ADGRB1: variants seen among roughly 807,000 people sequenced by gnomAD.
ADGRB1 encodes brain-specific angiogenesis inhibitor 1.
Under a neutral mutation model 175.7 loss-of-function variants are expected in ADGRB1, and 36 were observed. That is an observed-to-expected ratio of 0.20 (90% CI 0.16 to 0.27). The LOEUF (loss-of-function observed/expected upper bound fraction) is 0.27, where lower values mean the gene tolerates loss of function less well. Among genes scored for constraint, ADGRB1 ranks in the 10% least tolerant of loss-of-function variants. The probability of loss-of-function intolerance (pLI) is 1.00; values close to 1 mark genes in which losing one functional copy is unlikely to be tolerated. For missense variants in ADGRB1, 1,731 were observed against 2,255.3 expected (o/e 0.77, Z 4.71); for synonymous variants, 1,054 against 979.4 (o/e 1.08, Z -1.42).
chr8:142,475,567 G>T lies in ADGRB1; in HGVS notation c.878G>T (p.Gly293Val). ...ACGCGCACCTGCCTGCCCGCGCCGG[G>T]CGTGGAGGGCGGCGGCTGCGAGGGG... Reference protein sequence around the residue: ...TRTRTCLPAPGVEGGGCEGVL... With the variant: ...TRTRTCLPAPVVEGGGCEGVL... Residue 293 changes from glycine (G) to valine (V), a missense_variant, in exon 3 of 31, where the codon GGC (glycine) becomes GTC (valine). Transcript: ENST00000517894. 7.9e-7 allele frequency: 1 copy of T among 1,270,068 alleles called. No homozygotes were observed. The highest frequency in any genetic ancestry group is 9.9e-7 in the Non-Finnish European group (1 of 1,008,416). The allele number at this position is 1,270,068 out of a possible 1,614,324, so 78.7% of individuals were successfully genotyped here.
At position 142,464,092 on chromosome 8, in the gene ADGRB1, C is replaced by CA; in HGVS notation, c.-107_-106insA. 5.4e-6 allele frequency: 5 copies of CA among 928,894 alleles called. No homozygotes were observed. The highest frequency in any genetic ancestry group is 7.9e-5 in the East Asian group (2 of 25,316). 57.5% of individuals were successfully genotyped at this position (928,894 alleles called of 1,614,324 possible). A position where few individuals can be genotyped will look rare whatever the true frequency, so the allele number is the denominator to read the frequency against. On this transcript the variant is annotated 5_prime_UTR_variant, in exon 2 of 31. The change creates a new upstream start codon in the 5' untranslated region. Coordinates refer to ENST00000517894, the MANE Select transcript of ADGRB1 (RefSeq NM_001702.3). ...CCCATCCCACCCTTGCCCCGCCTCC[C>CA]TGCCCCCACCGGGCCGGCCCTGCCC...
chr8:142,505,938 G>T (rs1004501214), intron 17 of ADGRB1, among the ~76,000 whole-genome samples: 2 of 152,188 alleles, frequency 1.3e-5, no homozygotes, highest in Non-Finnish European at 2.9e-5. Context: ...GGGACCCAAG[G>T]CTCCGGGTGA....
intron 1 of ADGRB1, among the ~76,000 whole-genome samples, chr8:142,456,102 G>A (rs1193147475): frequency 6.6e-6 from 1 of 152,104 alleles, no homozygotes; most frequent in Non-Finnish European, 1.5e-5. Flanking sequence ...ATGCGATTCA[G>A]GGAGGAGGAG....
At chr8:142,516,937 C>T (rs141128391) in intron 18 of ADGRB1, among the ~76,000 whole-genome samples, 10 of 152,324 alleles carry the variant, frequency 6.6e-5, no homozygotes, top group African/African-American at 2.4e-4. Flanking sequence ...ACCTGACTTC[C>T]CTGTCTGTCT....
intron 1 of ADGRB1, among the ~76,000 whole-genome samples, chr8:142,463,268 G>A (rs1349783970): frequency 6.6e-6 from 1 of 152,176 alleles, no homozygotes; most frequent in Non-Finnish European, 1.5e-5. Flanking sequence ...CTTCCTGGCA[G>A]GAGCACCAGC....
At chr8:142,520,749 T>C in intron 19 of ADGRB1, 74 bp from the exon 20 acceptor site, 1 of 1,333,932 alleles carries the variant, frequency 7.5e-7, no homozygotes, top group Non-Finnish European at 1.1e-6. Context: ...CTGGTCTTGG[T>C]GCCACAGGAC....
intron 17 of ADGRB1, among the ~76,000 whole-genome samples, chr8:142,508,215 C>T (rs1328255159): frequency 6.6e-6 from 1 of 152,172 alleles, no homozygotes; most frequent in Non-Finnish European, 1.5e-5. Flanking sequence ...ACCTGAGCCT[C>T]CCTTGCTGCA....
rs944784870 is a variant in ADGRB1 at position 142,486,263 on chromosome 8, G to A, written c.2308+1499G>A. Among the ~76,000 whole-genome samples the A allele has an allele frequency of 5.3e-5, 8 of 152,234 alleles. No individual in the cohort carries two copies. The South Asian group carries it at 8.3e-4, about 16-fold the overall frequency. ...ACGCCAGCAAGAGCGGCTTCCCATCGCATCTGTTTATGCAAACCAGATGAA... is the reference window on the plus strand; with the variant it reads ...ACGCCAGCAAGAGCGGCTTCCCATCACATCTGTTTATGCAAACCAGATGAA... On this transcript the variant is annotated intron_variant, in intron 13 of 30. Transcript: ENST00000517894.
At chr8:142,535,977 C>T (rs535942542) in intron 25 of ADGRB1, among the ~76,000 whole-genome samples, 31 of 152,272 alleles carry the variant, frequency 2.0e-4, no homozygotes, top group African/African-American at 7.0e-4. Context: ...TTCTCTCGCC[C>T]GCTTTGGGCC....
chr8:142,531,373 G>T (rs1563747011), intron 24 of ADGRB1, among the ~76,000 whole-genome samples: 1 of 152,216 alleles, frequency 6.6e-6, no homozygotes, highest in Non-Finnish European at 1.5e-5. Context: ...CCAGGGCCCT[G>T]TCCGCTGCTG....
intron 9 of ADGRB1, among the ~76,000 whole-genome samples, 161 bp from the exon 10 acceptor site, chr8:142,481,093 G>T (rs1371409682): frequency 6.6e-6 from 1 of 152,246 alleles, no homozygotes; most frequent in East Asian, 1.9e-4. Flanking sequence ...TGAAGGGAAC[G>T]AGGTCCCTGC....
chr8:142,464,749 C>T lies in ADGRB1; in HGVS notation c.551C>T (p.Ala184Val). The change falls in exon 2 of 31, where the codon GCC becomes GTC. Residue 184 changes from alanine to valine, a missense_variant. Ala to Val is a moderately conservative substitution (Grantham distance 64). Coordinates refer to ENST00000517894, the MANE Select transcript of ADGRB1 (RefSeq NM_001702.3). ...LVVGNRNPSR[A>V]ACQMLCRWLD... ...GTGGGGAACCGCAACCCCAGCCGTG[C>T]CGCCTGCCAGATGCTGTGCCGCTGG... 1 of 1,534,474 alleles carries T rather than the reference C, an allele frequency of 6.5e-7. No homozygotes were observed.
chr8:142,516,635 G>T (rs1474101009), intron 18 of ADGRB1, among the ~76,000 whole-genome samples: 2 of 120,040 alleles, frequency 1.7e-5, no homozygotes, highest in Non-Finnish European at 3.2e-5. Flanking sequence ...CATGTGTGCG[G>T]GTCCCAGGTG....
chr8:142,453,113 C>A (rs1185926318), intron 1 of ADGRB1, among the ~76,000 whole-genome samples: 4 of 122,524 alleles, frequency 3.3e-5, no homozygotes, highest in African/African-American at 1.5e-4. Context: ...TCGGCCGGAG[C>A]CCCCCTCGCC....
rs767823802 is a variant in ADGRB1 at position 142,484,721 on chromosome 8, C to T, written c.2265C>T (p.Arg755=). 2.5e-6 allele frequency: 4 copies of T among 1,611,954 alleles called. No individual in the cohort carries two copies. The highest frequency in any genetic ancestry group is 3.4e-6 in the Non-Finnish European group (4 of 1,179,226). ...ACTTTGTGGACGTCATCGGCTTCCG[C>T]ATGAAGGACCTGAGGGATGCATACC... ...VEDFVDVIGF[R]MKDLRDAYQV... is the part of the protein sequence containing the mutation. The change falls in exon 13 of 31, where the codon CGC becomes CGT. Residue 755 remains arginine, a synonymous_variant. Transcript: ENST00000517894.
In ADGRB1 at chr8:142,493,491, C is replaced by G. The variant is rs1208378602; in HGVS notation, c.2675+2676C>G. 6.6e-6 allele frequency among the ~76,000 whole-genome samples: 1 copy of G among 152,224 alleles called. No individual in the cohort carries two copies. Among genetic ancestry groups the G allele is most frequent in the African/African-American group, 2.4e-5 (1 of 41,468 alleles). On this transcript the variant is annotated intron_variant, in intron 17 of 30. Transcript: ENST00000517894. This position sits in a 1 kb window ranked among gnomAD's most constrained non-coding sequence, Gnocchi z 5.0. Reference sequence around the variant, plus strand: ...CCAGGTGTTCCACCCACCCCGTCACCGGCTGGGTGCGCTGAGTGCTAAGGT... The same window carrying G: ...CCAGGTGTTCCACCCACCCCGTCACGGGCTGGGTGCGCTGAGTGCTAAGGT...
intron 1 of ADGRB1, among the ~76,000 whole-genome samples, chr8:142,459,536 C>G (rs559393706): frequency 6.6e-6 from 1 of 152,312 alleles, no homozygotes; most frequent in Non-Finnish European, 1.5e-5. Flanking sequence ...CCCTCCTCTC[C>G]CAGCCCCGTC....
intron 2 of ADGRB1, among the ~76,000 whole-genome samples, chr8:142,469,613 G>A (rs1451481514): frequency 7.5e-6 from 1 of 133,256 alleles, no homozygotes; most frequent in Non-Finnish European, 1.6e-5. Context: ...GTGCATGTGT[G>A]TGTATGCACG....
chr8:142,523,782 G>A (rs1587409361), intron 22 of ADGRB1, among the ~76,000 whole-genome samples: 1 of 137,310 alleles, frequency 7.3e-6, no homozygotes, highest in Non-Finnish European at 1.6e-5. Context: ...ACTGGGAGGG[G>A]GGTGGGGAGG....
Sources: allele counts gnomAD v4.1 joint callset (sites outside exome capture counted in the v4.1 genomes callset), GRCh38; gene constraint gnomAD v4.1.1; non-coding constraint Gnocchi (gnomAD v3.1); transcripts MANE v1.5; gene names NCBI Gene and HGNC (gene_info 2026-07-23, HGNC 2026-07-21).